MPPE1: variants seen among roughly 807,000 people sequenced by gnomAD.
The protein encoded by MPPE1 is metallophosphoesterase 1.
In MPPE1, 28 loss-of-function variants were observed where a neutral mutation model predicts 43.8. That is an observed-to-expected ratio of 0.64 (90% CI 0.47 to 0.88). MPPE1 has a LOEUF of 0.88. Ranked by LOEUF, MPPE1 falls within the 40% of genes least tolerant of loss-of-function variation. The pLI is 0.00. For missense variants in MPPE1, 428 were observed against 492.2 expected (o/e 0.87, Z 1.23); for synonymous variants, 159 against 188.5 (o/e 0.84, Z 1.28).
chr18:11,903,362 A>ACTG (rs1334645684), intron 2 of MPPE1, among the ~76,000 whole-genome samples: 1 of 152,158 alleles, frequency 6.6e-6, no homozygotes, highest in Non-Finnish European at 1.5e-5. Context: ...CATGCGTACA[A>ACTG]CTTCCTAAAC....
At chr18:11,894,286 T>C (rs571250847) in intron 3 of MPPE1, among the ~76,000 whole-genome samples, 5 of 151,990 alleles carry the variant, frequency 3.3e-5, no homozygotes, top group African/African-American at 7.2e-5. Flanking sequence ...AAACCAGCCA[T>C]GCATGGTGGC....
intron 2 of MPPE1, among the ~76,000 whole-genome samples, chr18:11,904,570 C>T (rs574654117): frequency 2.0e-5 from 3 of 152,134 alleles, no homozygotes; most frequent in Non-Finnish European, 2.9e-5. Flanking sequence ...CCACTGGCCT[C>T]GGCCTCCCAA....
chr18:11,889,181 A>T (rs1009208545), intron 5 of MPPE1, among the ~76,000 whole-genome samples: 1 of 152,220 alleles, frequency 6.6e-6, no homozygotes, highest in Admixed American at 6.5e-5. Flanking sequence ...GGGCACATAC[A>T]ATTCATTCAT....
At chr18:11,897,963 C>T (rs1316987628) in intron 2 of MPPE1, among the ~76,000 whole-genome samples, 3 of 152,216 alleles carry the variant, frequency 2.0e-5, no homozygotes, top group Non-Finnish European at 4.4e-5. Context: ...ACATAGTTGA[C>T]TCCATCTTGT....
At position 11,886,401 on chromosome 18, in the gene MPPE1, G is replaced by T; in HGVS notation, c.867+98C>A. The T allele has an allele frequency of 6.4e-7, 1 of 1,564,532 alleles. No individual in the cohort carries two copies. ...TGATAACTAAGTCATGAACGTTTCA[G>T]CAAACACCTGCTCTAGCCTGGGCAC... On this transcript the variant is annotated intron_variant, in intron 9 of 10. Transcript: ENST00000588072. This position sits in a 1 kb window ranked among gnomAD's most constrained non-coding sequence, Gnocchi z 4.1.
At chr18:11,887,857 G>A (rs1401981941) in intron 6 of MPPE1, among the ~76,000 whole-genome samples, 1 of 152,298 alleles carries the variant, frequency 6.6e-6, no homozygotes. Context: ...TGAGTCAGCA[G>A]AGAAAGCCAC....
In MPPE1 at chr18:11,882,889, A is replaced by G. The variant is rs2036742254; in HGVS notation, c.*1556T>C. 1.3e-5 allele frequency: 2 copies of G among 152,302 alleles called. No individual in the cohort carries two copies. The highest frequency in any genetic ancestry group is 1.9e-4 in the East Asian group (1 of 5,188). The allele number at this position is 152,302 out of a possible 1,614,324, so 9.4% of individuals were successfully genotyped here. ...ATTATGACACACCAACAATATCTAG[A>G]AAGTAAGAACTGGTGTAGCAATGAT... On this transcript the variant is annotated 3_prime_UTR_variant, in exon 11 of 11. Transcript: ENST00000588072.
At chr18:11,896,381 C>T (rs1217053150) in intron 3 of MPPE1, among the ~76,000 whole-genome samples, 6 of 152,216 alleles carry the variant, frequency 3.9e-5, no homozygotes, top group Admixed American at 2.0e-4. Context: ...GGATTACAGG[C>T]GTGAGCCAGT....
chr18:11,886,878 G>A lies in MPPE1; in HGVS notation c.678+39C>T, dbSNP rs777476668. On this transcript the variant is annotated intron_variant, in intron 7 of 10. Coordinates refer to ENST00000588072, the MANE Select transcript of MPPE1 (RefSeq NM_023075.6). The surrounding 1 kb of genome is among the most constrained non-coding windows in gnomAD (Gnocchi z 4.1). ...GTGAGCAACCGAAGCGGAGCAACAC[G>A]GGACAGAAGGCACCTGTGGCATTCA... The A allele has an allele frequency of 1.8e-5, 28 of 1,596,184 alleles. No homozygotes were observed. The highest frequency in any genetic ancestry group is 2.2e-5 in the Non-Finnish European group (26 of 1,166,976).
At chr18:11,894,419 G>A (rs574119085) in intron 3 of MPPE1, among the ~76,000 whole-genome samples, 140 of 121,132 alleles carry the variant, frequency 1.2e-3, no homozygotes, top group Non-Finnish European at 1.1e-3. Flanking sequence ...GTGACAGAGC[G>A]AGACTCCATC....
chr18:11,902,489 T>C (rs2039308303), intron 2 of MPPE1: 1 of 152,176 alleles, frequency 6.6e-6, no homozygotes, highest in Non-Finnish European at 1.5e-5. Flanking sequence ...TCTCCTAAAA[T>C]CCTAAAAGCT....
At chr18:11,889,703 C>T (rs1301059152) in intron 4 of MPPE1, among the ~76,000 whole-genome samples, 5 of 152,050 alleles carry the variant, frequency 3.3e-5, no homozygotes, top group Non-Finnish European at 7.4e-5. Flanking sequence ...GCTGGGATTA[C>T]AGGCACATGC....
At chr18:11,885,055 T>C (rs2036978291) in intron 10 of MPPE1, 7 of 1,292,186 alleles carry the variant, frequency 5.4e-6, no homozygotes, top group South Asian at 1.2e-5. Context: ...TAGAAATACA[T>C]GTGTCCAGGT....
rs376775137 is a variant in MPPE1, at chr18:11,887,231, C to T, written c.570-206G>A. Among the ~76,000 whole-genome samples, 205 of 152,234 alleles carry T rather than the reference C, an allele frequency of 1.3e-3. 1 individual carries two copies. Among genetic ancestry groups the T allele is most frequent in the African/African-American group, 4.6e-3 (193 of 41,544 alleles). ...ATTACTGGGAGTTCTGTCTAAGACA[C>T]GATCGAAGGGTTTTTGACCCTAAAC... On this transcript the variant is annotated intron_variant, in intron 6 of 10. Transcript: ENST00000588072.
intron 4 of MPPE1, among the ~76,000 whole-genome samples, chr18:11,890,758 G>T (rs999346903): frequency 6.6e-6 from 1 of 152,226 alleles, no homozygotes; most frequent in South Asian, 2.1e-4. Context: ...ATCTGGGCAT[G>T]CTATAAGAAC....
chr18:11,883,426 T>TCAAA lies in MPPE1; in HGVS notation c.*1015_*1018dup, dbSNP rs1355875192. 3 of 153,024 alleles carry TCAAA rather than the reference T, an allele frequency of 2.0e-5. No individual in the cohort carries two copies. Among genetic ancestry groups the TCAAA allele is most frequent in the Non-Finnish European group, 4.4e-5 (3 of 68,028 alleles). The allele number at this position is 153,024 out of a possible 1,614,324, so 9.5% of individuals were successfully genotyped here. A position where few individuals can be genotyped will look rare whatever the true frequency, so the allele number is the denominator to read the frequency against. On this transcript the variant is annotated 3_prime_UTR_variant, in exon 11 of 11. Coordinates refer to ENST00000588072, the MANE Select transcript of MPPE1 (RefSeq NM_023075.6). The stretch of plus-strand genomic sequence containing the variant: ...TAAACATCCTGTTTAAGAGTTTAAT[T>TCAAA]CAAACAACAGCCAGACTGTTAAGAA...
At chr18:11,896,903 G>T in intron 3 of MPPE1, 81 bp downstream of exon 3, 1 of 1,249,332 alleles carries the variant, frequency 8.0e-7, no homozygotes, top group Non-Finnish European at 1.1e-6. Context: ...GTAACCTAAA[G>T]CCATAAGCCT....
At chr18:11,893,143 C>T (rs12458375) in intron 4 of MPPE1, 10,107 of 252,854 alleles carry the variant, frequency 0.04, 456 homozygotes, top group African/African-American at 0.13. Flanking sequence ...ACTGAAATAA[C>T]ATCTATCTTG....
chr18:11,894,794 TGG>T (rs2038415418), intron 3 of MPPE1, among the ~76,000 whole-genome samples: 1 of 152,096 alleles, frequency 6.6e-6, no homozygotes, highest in Non-Finnish European at 1.5e-5. Context: ...TTCTCCATGT[TGG>T]TCAGGCTGGT....
Sources: allele counts gnomAD v4.1 joint callset (sites outside exome capture counted in the v4.1 genomes callset), GRCh38; gene constraint gnomAD v4.1.1; non-coding constraint Gnocchi (gnomAD v3.1); transcripts MANE v1.5; gene names NCBI Gene and HGNC (gene_info 2026-07-23, HGNC 2026-07-21).